ST6GAL1: variants seen among roughly 807,000 people sequenced by gnomAD.
ST6GAL1 encodes ST6 beta-galactoside alpha-2,6-sialyltransferase 1.
Under a neutral mutation model 38.0 loss-of-function variants are expected in ST6GAL1, and 20 were observed. The observed-to-expected ratio is 0.53, with a 90% CI of 0.37 to 0.77. The LOEUF (loss-of-function observed/expected upper bound fraction) is 0.77, where lower values mean the gene tolerates loss of function less well. Ranked by LOEUF, ST6GAL1 falls within the 30% of genes least tolerant of loss-of-function variation. The pLI is 0.00. For synonymous variants in ST6GAL1, 196 were observed against 188.2 expected, an observed-to-expected ratio of 1.04 and a Z score of -0.34; for missense variants, 432 against 496.4, an observed-to-expected ratio of 0.87 and a Z score of 1.23.
rs1718521924 is a variant in ST6GAL1, at chr3:187,051,724, T to C, written c.705+378T>C. Among the ~76,000 whole-genome samples the C allele has an allele frequency of 2.0e-5, 3 of 152,162 alleles. No homozygotes were observed. In the South Asian group the frequency reaches 6.2e-4, roughly 32 times the overall value. On this transcript the variant is annotated intron_variant, in intron 5 of 7. Transcript: ENST00000169298. ...AAACAATACACAGGAGAGCACTTTATGAACCGTAAAATGCTATACAACTAC... is the reference window on the plus strand; with the variant it reads ...AAACAATACACAGGAGAGCACTTTACGAACCGTAAAATGCTATACAACTAC...
chr3:186,953,986 C>A (rs770343220), intron 1 of ST6GAL1, among the ~76,000 whole-genome samples: 5 of 152,122 alleles, frequency 3.3e-5, no homozygotes, highest in Admixed American at 6.5e-5. Flanking sequence ...CTCCCTCCCC[C>A]AGGCCCCCTG....
chr3:186,969,268 G>A (rs1176132546), intron 2 of ST6GAL1, among the ~76,000 whole-genome samples: 1 of 152,040 alleles, frequency 6.6e-6, no homozygotes, highest in Admixed American at 6.6e-5. Context: ...AGCCAGGCTG[G>A]TGTTGAACTC....
At position 187,076,552 on chromosome 3, in the gene ST6GAL1, G is replaced by A. The variant is rs936433369; in HGVS notation, c.*749G>A. The A allele has an allele frequency of 9.2e-5, 30 of 325,034 alleles. No homozygotes were observed. Among genetic ancestry groups the A allele is most frequent in the African/African-American group, 6.0e-4 (28 of 46,914 alleles). 20.1% of individuals were successfully genotyped at this position (325,034 alleles called of 1,614,324 possible). ...GATTCAGTGTGCTCAGTGCACTGGG[G>A]ATTTGGAGAGAGATGGGCTTGCTCT... On this transcript the variant is annotated 3_prime_UTR_variant, in exon 8 of 8. Coordinates refer to ENST00000169298, the MANE Select transcript of ST6GAL1 (RefSeq NM_173216.2).
chr3:187,055,797 A>T (rs1272052867), intron 5 of ST6GAL1, among the ~76,000 whole-genome samples: 1 of 152,090 alleles, frequency 6.6e-6, no homozygotes, highest in Admixed American at 6.5e-5. Flanking sequence ...TTTGGGGTGG[A>T]GAGTTCTGTA....
intron 2 of ST6GAL1, among the ~76,000 whole-genome samples, chr3:186,989,184 C>T (rs1716064510): frequency 6.6e-6 from 1 of 152,108 alleles, no homozygotes; most frequent in Non-Finnish European, 1.5e-5. Context: ...TTAGGAGATT[C>T]AGAAACCATA....
intron 5 of ST6GAL1, among the ~76,000 whole-genome samples, chr3:187,061,726 G>T (rs73055061): frequency 0.099 from 15,120 of 152,006 alleles, 2,512 homozygotes; most frequent in African/African-American, 0.34. Context: ...ACTCAAAATG[G>T]ATCTATGACC....
chr3:187,042,701 A>G lies in ST6GAL1; in HGVS notation c.-3A>G, dbSNP rs750722855. The stretch of plus-strand genomic sequence containing the variant: ...AAGTGACTTCCCTGAACACATCTTC[A>G]TTATGATTCACACCAACCTGAAGAA... On this transcript the variant is annotated 5_prime_UTR_variant, in exon 4 of 8. Coordinates refer to ENST00000169298, the MANE Select transcript of ST6GAL1 (RefSeq NM_173216.2). 5 of 1,601,630 alleles carry G rather than the reference A, an allele frequency of 3.1e-6. No individual in the cohort carries two copies. The highest frequency in any genetic ancestry group is 2.2e-5 in the East Asian group (1 of 44,834).
chr3:187,004,860 T>C (rs562982841), intron 2 of ST6GAL1, among the ~76,000 whole-genome samples: 39 of 152,356 alleles, frequency 2.6e-4, no homozygotes, highest in Non-Finnish European at 4.7e-4. Flanking sequence ...ATCATCTTTC[T>C]TTCTTCTCCC....
chr3:186,975,083 T>C (rs892090212), intron 2 of ST6GAL1: 3 of 152,514 alleles, frequency 2.0e-5, no homozygotes, highest in Non-Finnish European at 4.4e-5. Context: ...AGTGCAAAGA[T>C]TTGACAGGTG....
intron 2 of ST6GAL1, among the ~76,000 whole-genome samples, chr3:187,014,037 C>T (rs1339796585): frequency 2.6e-5 from 4 of 152,228 alleles, no homozygotes; most frequent in African/African-American, 9.6e-5. Flanking sequence ...AGCCTTCTGA[C>T]CCTCCTCCCC....
rs1483784656 is a variant in ST6GAL1 at position 187,076,441 on chromosome 3, G to C, written c.*638G>C. The C allele has an allele frequency of 6.0e-6, 1 of 167,138 alleles. No individual in the cohort carries two copies. The highest frequency in any genetic ancestry group is 2.4e-5 in the African/African-American group (1 of 41,968). 10.4% of individuals were successfully genotyped at this position (167,138 alleles called of 1,614,324 possible). A position where few individuals can be genotyped will look rare whatever the true frequency, so the allele number is the denominator to read the frequency against. On this transcript the variant is annotated 3_prime_UTR_variant, in exon 8 of 8. Coordinates refer to ENST00000169298, the MANE Select transcript of ST6GAL1 (RefSeq NM_173216.2). ...TTAGCCCACTTTCCCTCTCCATGTGGAGATGGAAGGTAGAGAAGGATACAG... is the reference window on the plus strand; with the variant it reads ...TTAGCCCACTTTCCCTCTCCATGTGCAGATGGAAGGTAGAGAAGGATACAG...
Position 187,074,312 on chromosome 3 carries a change from C to G in ST6GAL1, c.958C>G (p.Pro320Ala). 1 of 1,593,928 alleles carries G rather than the reference C, an allele frequency of 6.3e-7. No individual in the cohort carries two copies. Among genetic ancestry groups the G allele is most frequent in the East Asian group, 2.3e-5 (1 of 44,070 alleles). ...EISPEEIQPN[P>A]PSSGMLGIII... ...CTCCCCAGAAGAGATTCAGCCAAACCCCCCATCCTCTGGGATGCTTGGTGA... is the reference window on the plus strand; with the variant it reads ...CTCCCCAGAAGAGATTCAGCCAAACGCCCCATCCTCTGGGATGCTTGGTGA... The change falls in exon 7 of 8, where the codon CCC (proline) becomes GCC (alanine). Residue 320 changes from proline to alanine, a missense_variant. Transcript: ENST00000169298.
At chr3:186,997,102 A>G (rs2108550057) in intron 2 of ST6GAL1, among the ~76,000 whole-genome samples, 1 of 152,142 alleles carries the variant, frequency 6.6e-6, no homozygotes, top group South Asian at 2.1e-4. Context: ...GAGACATGGA[A>G]AATAGTTAAG....
At chr3:186,993,474 G>T (rs1716246470) in intron 2 of ST6GAL1, among the ~76,000 whole-genome samples, 1 of 152,240 alleles carries the variant, frequency 6.6e-6, no homozygotes, top group African/African-American at 2.4e-5. Context: ...AAACTAAACA[G>T]AGGTGCAGAT....
chr3:187,042,884 C>T lies in ST6GAL1; in HGVS notation c.181C>T (p.Gln61Ter), dbSNP rs1718174243. 1 of 1,614,110 alleles carries T rather than the reference C, an allele frequency of 6.2e-7. No homozygotes were observed. The highest frequency in any genetic ancestry group is 1.7e-4 in the Middle Eastern group (1 of 6,060). The change falls in exon 4 of 8, where the codon CAG (glutamine) becomes TAG (stop). Residue 61 changes from glutamine to a stop codon, truncating the protein, a stop_gained. Coordinates refer to ENST00000169298, the MANE Select transcript of ST6GAL1 (RefSeq NM_173216.2). LOFTEE classifies it high-confidence loss of function. ...GAAATTGGCCATGGGGTCTGATTCC[C>T]AGTCTGTATCCTCAAGCAGCACCCA... ...LGKLAMGSDS[Q>*]SVSSSSTQDP...
At position 186,960,154 on chromosome 3, in the gene ST6GAL1, C is replaced by T. The variant is rs77474402; in HGVS notation, c.-324-3631C>T. On this transcript the variant is annotated intron_variant, in intron 1 of 7. Coordinates refer to ENST00000169298, the MANE Select transcript of ST6GAL1 (RefSeq NM_173216.2). ...TGGTTGGTGCCTCACACATGGTACA[C>T]TTACTTGAAGGAAACACTTGCTGGA... is the stretch of plus-strand genomic sequence containing the variant. 8.2e-3 allele frequency among the ~76,000 whole-genome samples: 1,243 copies of T among 152,356 alleles called. 18 individuals carry two copies. Among genetic ancestry groups the T allele is most frequent in the African/African-American group, 0.028 (1,178 of 41,580 alleles).
At chr3:187,062,607 A>C (rs938800350) in intron 5 of ST6GAL1, among the ~76,000 whole-genome samples, 7 of 74,234 alleles carry the variant, frequency 9.4e-5, no homozygotes, top group Non-Finnish European at 1.9e-4. Context: ...CACACACACA[A>C]AATACTATAT....
chr3:187,067,104 TTTTGGA>T (rs1560183815), intron 5 of ST6GAL1, among the ~76,000 whole-genome samples: 1 of 113,830 alleles, frequency 8.8e-6, no homozygotes, highest in African/African-American at 4.5e-5. Flanking sequence ...TTTTTTTTTT[TTTTGGA>T]GACAGAGTCT....
intron 1 of ST6GAL1, chr3:186,931,084 C>T (rs2108510546): frequency 6.6e-6 from 1 of 152,480 alleles, no homozygotes; most frequent in African/African-American, 2.4e-5. Flanking sequence ...CCTGCGGATC[C>T]ACAACAAACC....
Sources: gnomAD v4.1 joint callset for allele counts (sites outside exome capture counted in the v4.1 genomes callset) on GRCh38, gnomAD v4.1.1 for gene constraint, MANE v1.5 for transcripts, NCBI Gene and HGNC (gene_info 2026-07-23, HGNC 2026-07-21) for gene names.